The following ARHGEF10 variants were observed in gnomAD, a reference collection of about 807,000 sequenced individuals.
ARHGEF10 encodes the protein Rho guanine nucleotide exchange factor 10.
Under a neutral mutation model 147.4 loss-of-function variants are expected in ARHGEF10, and 140 were observed. The observed-to-expected ratio is 0.95, with a 90% CI of 0.83 to 1.09. The LOEUF is 1.09. Ranked by LOEUF, ARHGEF10 falls within the 50% of genes least tolerant of loss-of-function variation. The pLI, the probability that ARHGEF10 is intolerant of heterozygous loss-of-function variation, is 0.00. For missense variants in ARHGEF10, 2,222 were observed against 1,752.7 expected, an observed-to-expected ratio of 1.27 and a Z score of -4.78; for synonymous variants, 902 against 695.8, an observed-to-expected ratio of 1.30 and a Z score of -4.67.
chr8:1,915,130 G>C lies in ARHGEF10; in HGVS notation c.2143+5660G>C, dbSNP rs188671668. 3.0e-3 allele frequency among the ~76,000 whole-genome samples: 460 copies of C among 152,268 alleles called. 1 individual carries two copies. The highest frequency in any genetic ancestry group is 5.3e-3 in the Non-Finnish European group (359 of 68,024). On this transcript the variant is annotated intron_variant, in intron 18 of 28. Coordinates refer to ENST00000349830, the MANE Select transcript of ARHGEF10 (RefSeq NM_014629.4). ...CAGATGAACGGCCTCCCTTCGTACA[G>C]ACAACATCTGTATGCTGAGAAAGGC...
At chr8:1,856,728 G>A (rs1034950356) in intron 2 of ARHGEF10, among the ~76,000 whole-genome samples, 6 of 152,200 alleles carry the variant, frequency 3.9e-5, no homozygotes, top group Admixed American at 3.3e-4. Context: ...ACGGGGGATT[G>A]TCTGTGTTGG....
At position 1,957,129 on chromosome 8, in the gene ARHGEF10, G is replaced by A. The variant is rs1280366385; in HGVS notation, c.3901G>A (p.Ala1301Thr). 4 of 1,612,898 alleles carry A rather than the reference G, an allele frequency of 2.5e-6. No individual in the cohort carries two copies. Among genetic ancestry groups the A allele is most frequent in the East Asian group, 2.2e-5 (1 of 44,898 alleles). Residue 1301 changes from alanine (A) to threonine (T), a missense_variant, in exon 29 of 29, where the codon GCC (alanine) becomes ACC (threonine). Coordinates refer to ENST00000349830, the MANE Select transcript of ARHGEF10 (RefSeq NM_014629.4). ...LRSKARRAKK[A>T]KASSALVVCG... ...AAGCAAAGCACGCCGGGCCAAGAAA[G>A]CCAAGGCCAGCTCGGCGCTGGTGGT...
rs764831889 is a variant in ARHGEF10, at chr8:1,926,380, G to C, written c.2614G>C (p.Glu872Gln). 1 of 1,613,488 alleles carries C rather than the reference G, an allele frequency of 6.2e-7. No homozygotes were observed. The highest frequency in any genetic ancestry group is 1.1e-5 in the South Asian group (1 of 91,076). ...MVAKQQEFKI[E>Q]CAAYNPEPYL... ...GTTTGATTTTATTCCATTTTAGATT[G>C]AATGTGCTGCTTATAACCCTGAACC... Residue 872 changes from glutamate to glutamine, a missense_variant, in exon 23 of 29, where the codon GAA (glutamate) becomes CAA (glutamine). Physicochemically the swap from Glu to Gln is conservative, Grantham distance 29. Coordinates refer to ENST00000349830, the MANE Select transcript of ARHGEF10 (RefSeq NM_014629.4).
In ARHGEF10 at chr8:1,905,701, C is replaced by T. The variant is rs776942473; in HGVS notation, c.1952C>T (p.Ala651Val). The T allele has an allele frequency of 6.8e-6, 11 of 1,613,908 alleles. No homozygotes were observed. The highest frequency in any genetic ancestry group is 9.3e-6 in the Non-Finnish European group (11 of 1,180,038). ...VFMLNDVLMC[A>V]TVSSRPSHDS... ...ATGTTAAATGATGTGTTAATGTGTG[C>T]CACCGTCAGCTCACGGTAAGTGCAT... The change falls in exon 17 of 29, where the codon GCC becomes GTC. Residue 651 changes from alanine (A) to valine (V), a missense_variant. Transcript: ENST00000349830.
intron 18 of ARHGEF10, among the ~76,000 whole-genome samples, chr8:1,918,917 C>G (rs1389571279): frequency 6.7e-6 from 1 of 150,226 alleles, no homozygotes; most frequent in Non-Finnish European, 1.5e-5. Context: ...CGGAGGTGTT[C>G]TGTGAGTGAT....
intron 2 of ARHGEF10, 68 bp from the exon 3 acceptor site, chr8:1,857,892 A>G (rs1023385736): frequency 7.4e-6 from 8 of 1,086,304 alleles, no homozygotes; most frequent in South Asian, 2.6e-5. Flanking sequence ...CTATCTATCT[A>G]TCTATCTATC....
intron 12 of ARHGEF10, 90 bp from the exon 13 acceptor site, chr8:1,894,303 T>G: frequency 3.6e-6 from 5 of 1,381,750 alleles, no homozygotes; most frequent in Non-Finnish European, 5.1e-6. Context: ...TGAGCCATGA[T>G]CGCACCACTG....
intron 26 of ARHGEF10, among the ~76,000 whole-genome samples, chr8:1,942,205 G>A (rs752969513): frequency 5.4e-5 from 8 of 149,406 alleles, no homozygotes; most frequent in Admixed American, 1.3e-4. Context: ...GAGAAAATAC[G>A]TACAGCTCAT....
intron 14 of ARHGEF10, among the ~76,000 whole-genome samples, chr8:1,897,599 C>T (rs569174866): frequency 1.2e-4 from 18 of 145,720 alleles, no homozygotes; most frequent in Non-Finnish European, 2.4e-4. Context: ...TTCCCACTCT[C>T]GACAGTTGTG....
At position 1,909,201 on chromosome 8, in the gene ARHGEF10, T is replaced by C. The variant is rs2294037; in HGVS notation, c.1968-94T>C. On this transcript the variant is annotated intron_variant, in intron 17 of 28. Coordinates refer to ENST00000349830, the MANE Select transcript of ARHGEF10 (RefSeq NM_014629.4). ...AGTCTGAAGAGTTACAATTCAGCAG[T>C]GGGAAGTTTCTCACTTGAACATCTG... is the stretch of plus-strand genomic sequence containing the variant. 765,861 of 1,522,164 alleles carry C rather than the reference T, an allele frequency of 0.5. 194,350 individuals are homozygous for C. Among genetic ancestry groups the C allele is most frequent in the African/African-American group, 0.62 (45,204 of 73,048 alleles). The allele number at this position is 1,522,164 out of a possible 1,614,324, so 94.3% of individuals were successfully genotyped here.
At chr8:1,834,881 C>T (rs142206574) in intron 1 of ARHGEF10, among the ~76,000 whole-genome samples, 71 of 152,352 alleles carry the variant, frequency 4.7e-4, no homozygotes, top group African/African-American at 1.4e-3. Context: ...CCAGAGACCG[C>T]GCAGCCTTGG....
chr8:1,824,248 A>T (rs1202605994), intron 1 of ARHGEF10, 135 bp downstream of exon 1: 1 of 151,798 alleles, frequency 6.6e-6, no homozygotes, highest in African/African-American at 2.4e-5. Context: ...CCCTGCGCAG[A>T]TGTTTCAGGG....
chr8:1,850,158 G>T (rs868309876), intron 2 of ARHGEF10, among the ~76,000 whole-genome samples: 1 of 40,428 alleles, frequency 2.5e-5, no homozygotes, highest in African/African-American at 1.2e-4. Flanking sequence ...GGGCGGCCAC[G>T]TGGACACAGA....
chr8:1,878,807 T>C (rs1311039915), intron 8 of ARHGEF10, among the ~76,000 whole-genome samples: 1 of 152,098 alleles, frequency 6.6e-6, no homozygotes, highest in African/African-American at 2.4e-5. Context: ...GTGCCAGTGG[T>C]TCAGCAGCCC....
intron 26 of ARHGEF10, among the ~76,000 whole-genome samples, chr8:1,939,501 G>A (rs555782460): frequency 4.6e-5 from 7 of 152,212 alleles, no homozygotes; most frequent in African/African-American, 1.2e-4. Flanking sequence ...ACAGTGAGCC[G>A]AAATCCAGGG....
At chr8:1,838,148 G>A (rs1462781926) in intron 1 of ARHGEF10, among the ~76,000 whole-genome samples, 1 of 152,162 alleles carries the variant, frequency 6.6e-6, no homozygotes, top group African/African-American at 2.4e-5. Flanking sequence ...GGGATCCACC[G>A]GGGGTGCCGG....
chr8:1,882,979 T>A (rs1808348337), intron 10 of ARHGEF10, among the ~76,000 whole-genome samples: 1 of 152,114 alleles, frequency 6.6e-6, no homozygotes, highest in Admixed American at 6.5e-5. Flanking sequence ...TCATTGAGAA[T>A]CATTGAGAAT....
intron 1 of ARHGEF10, among the ~76,000 whole-genome samples, chr8:1,832,798 GCAGAGGCAGAGA>G (rs1563148700): frequency 2.0e-4 from 4 of 20,414 alleles, no homozygotes; most frequent in African/African-American, 9.6e-4. Context: ...AGAGACAGAG[GCAGAGGCAGAGA>G]CAGAGGCAGA....
At position 1,898,415 on chromosome 8, in the gene ARHGEF10, C is replaced by CGGT. The variant is rs1273405925; in HGVS notation, c.1558-16_1558-14dup. ...TGGCAGCCCTGCAGGGAGGTGACCCCGGTGCCTTCCCCCACAGCAGGAACA... is the reference window on the plus strand; with the variant it reads ...TGGCAGCCCTGCAGGGAGGTGACCCCGGTGGTGCCTTCCCCCACAGCAGGAACA... On this transcript the variant is annotated splice_polypyrimidine_tract_variant and intron_variant, in intron 14 of 28. Coordinates refer to ENST00000349830, the MANE Select transcript of ARHGEF10 (RefSeq NM_014629.4). 1 of 1,612,642 alleles carries CGGT rather than the reference C, an allele frequency of 6.2e-7. No homozygotes were observed. The highest frequency in any genetic ancestry group is 2.2e-5 in the East Asian group (1 of 44,848).
Sources: allele counts gnomAD v4.1 joint callset (sites outside exome capture counted in the v4.1 genomes callset), GRCh38; gene constraint gnomAD v4.1.1; transcripts MANE v1.5; gene names NCBI Gene and HGNC (gene_info 2026-07-23, HGNC 2026-07-21).